C12orf60: variants seen among roughly 807,000 people sequenced by gnomAD.
C12orf60 encodes the protein chromosome 12 open reading frame 60.
For missense variants in C12orf60, 284 were observed against 283.2 expected, an observed-to-expected ratio of 1.00 and a Z score of -0.02; for synonymous variants, 102 against 94.6, an observed-to-expected ratio of 1.08 and a Z score of -0.45.
At chr12:14,818,750 G>A (rs148909527) in intron 1 of C12orf60, among the ~76,000 whole-genome samples, 33 of 152,190 alleles carry the variant, frequency 2.2e-4, no homozygotes, top group African/African-American at 6.7e-4. Context: ...GTCACTGCAC[G>A]CCAGCCTGGT....
intron 1 of C12orf60, among the ~76,000 whole-genome samples, chr12:14,811,199 A>G (rs1950130565): frequency 6.6e-6 from 1 of 152,180 alleles, no homozygotes; most frequent in Non-Finnish European, 1.5e-5. Flanking sequence ...ACTTTTGTAC[A>G]GAGTTTGTGC....
intron 1 of C12orf60, among the ~76,000 whole-genome samples, chr12:14,811,296 G>A (rs1347655587): frequency 1.3e-5 from 2 of 152,176 alleles, no homozygotes; most frequent in African/African-American, 4.8e-5. Context: ...TAGACAGCAG[G>A]TGGAGCTCTT....
intron 1 of C12orf60, chr12:14,805,702 C>A: frequency 7.1e-6 from 2 of 279,920 alleles, no homozygotes; most frequent in Admixed American, 4.8e-5. Flanking sequence ...GAAAAGTAAC[C>A]CCTATACTTG....
At position 14,812,466 on chromosome 12, in the gene C12orf60, G is replaced by A. The variant is rs187209782; in HGVS notation, c.-25+8715G>A. On this transcript the variant is annotated intron_variant, in intron 1 of 1. Transcript: ENST00000330828. Reference sequence around the variant, plus strand: ...CTCAAAAAAAAAAAAAATTTTATTGGTTACGTATACTATTCCCTGTCTTTA... The same window carrying A: ...CTCAAAAAAAAAAAAAATTTTATTGATTACGTATACTATTCCCTGTCTTTA... Among the ~76,000 whole-genome samples the A allele has an allele frequency of 5.7e-3, 860 of 152,056 alleles. 9 individuals are homozygous for A. Among genetic ancestry groups the A allele is most frequent in the African/African-American group, 0.02 (843 of 41,526 alleles).
chr12:14,805,543 C>T (rs115421638), intron 1 of C12orf60: 2,483 of 154,148 alleles, frequency 0.016, 67 homozygotes, highest in African/African-American at 0.056. Context: ...GGTAGTATTT[C>T]TGTCTCATTC....
intron 1 of C12orf60, among the ~76,000 whole-genome samples, chr12:14,807,671 C>T (rs1485887424): frequency 1.3e-5 from 2 of 152,110 alleles, no homozygotes; most frequent in African/African-American, 4.8e-5. Flanking sequence ...ATATTCAAGA[C>T]TCTTTGGATT....
intron 1 of C12orf60, among the ~76,000 whole-genome samples, chr12:14,817,487 C>G (rs147900473): frequency 6.6e-6 from 1 of 152,300 alleles, no homozygotes; most frequent in Non-Finnish European, 1.5e-5. Flanking sequence ...CCTCGCCCCC[C>G]ACTCCTCAAC....
chr12:14,804,209 A>G (rs948962855), intron 1 of C12orf60, among the ~76,000 whole-genome samples: 1 of 152,204 alleles, frequency 6.6e-6, no homozygotes, highest in Non-Finnish European at 1.5e-5. Flanking sequence ...ACCAGCCAAA[A>G]GTCCTCTATG....
chr12:14,804,376 T>A (rs1455912688), intron 1 of C12orf60, among the ~76,000 whole-genome samples: 1 of 152,222 alleles, frequency 6.6e-6, no homozygotes, highest in Non-Finnish European at 1.5e-5. Context: ...TGGTTATTTC[T>A]AATCTTAACC....
At chr12:14,806,168 G>A (rs1490165913) in intron 1 of C12orf60, 1 of 1,614,012 alleles carries the variant, frequency 6.2e-7, no homozygotes, top group East Asian at 2.2e-5. Context: ...TCATATCTAT[G>A]CCAAGGCCAA....
intron 1 of C12orf60, among the ~76,000 whole-genome samples, chr12:14,817,106 T>G (rs1025988397): frequency 2.6e-5 from 4 of 152,176 alleles, no homozygotes; most frequent in African/African-American, 7.2e-5. Context: ...ATGGATATGC[T>G]TTTGGTGTCA....
In C12orf60 at chr12:14,823,080, G is replaced by T. The variant is rs1284612873; in HGVS notation, c.145G>T (p.Ala49Ser). Reference protein sequence around the residue: ...RSMNTQILLMAVKNNSYIKDF... With the variant: ...RSMNTQILLMSVKNNSYIKDF... ...TATGAATACTCAAATCCTTTTGATG[G>T]CTGTGAAAAACAATAGTTACATTAA... Residue 49 changes from alanine (A) to serine (S), a missense_variant, in exon 2 of 2, where the codon GCT (alanine) becomes TCT (serine). Ala to Ser is a moderately conservative substitution (Grantham distance 99, BLOSUM62 1). Transcript: ENST00000330828. 9.3e-6 allele frequency: 15 copies of T among 1,613,998 alleles called. No individual in the cohort carries two copies. Among genetic ancestry groups the T allele is most frequent in the Non-Finnish European group, 1.3e-5 (15 of 1,180,010 alleles).
chr12:14,806,733 T>TA (rs1950058408), intron 1 of C12orf60: 1 of 1,518,278 alleles, frequency 6.6e-7, no homozygotes, highest in African/African-American at 1.4e-5. Flanking sequence ...CTGAAAGTCT[T>TA]AAAAAATGTC....
At chr12:14,808,331 A>G (rs1052192535) in intron 1 of C12orf60, among the ~76,000 whole-genome samples, 1 of 151,968 alleles carries the variant, frequency 6.6e-6, no homozygotes, top group East Asian at 1.9e-4. Flanking sequence ...ATGCTACTCA[A>G]TATGCATACT....
At chr12:14,806,533 T>C (rs754454798) in intron 1 of C12orf60, 1 of 1,614,186 alleles carries the variant, frequency 6.2e-7, no homozygotes, top group Non-Finnish European at 8.5e-7. Context: ...GAGGCCAGCC[T>C]GCACCCCAAG....
rs1592234930 is a variant in C12orf60 at position 14,812,245 on chromosome 12, C to T, written c.-25+8494C>T. On this transcript the variant is annotated intron_variant, in intron 1 of 1. Transcript: ENST00000330828. ...GGATCACGAGGTCAGGAGATCGAAA[C>T]CATCCTGGCTAACACGGTGAAACCC... Among the ~76,000 whole-genome samples, 4 of 152,020 alleles carry T rather than the reference C, an allele frequency of 2.6e-5. No individual in the cohort carries two copies. The South Asian group carries it at 8.3e-4, about 32-fold the overall frequency.
At chr12:14,803,911 A>G (rs1327361659) in intron 1 of C12orf60, among the ~76,000 whole-genome samples, 160 bp downstream of exon 1, 1 of 152,200 alleles carries the variant, frequency 6.6e-6, no homozygotes, top group Non-Finnish European at 1.5e-5. Flanking sequence ...GAATACCCAG[A>G]TAACATTTGC....
At chr12:14,812,781 G>T (rs1467070656) in intron 1 of C12orf60, among the ~76,000 whole-genome samples, 1 of 151,862 alleles carries the variant, frequency 6.6e-6, no homozygotes, top group Non-Finnish European at 1.5e-5. Flanking sequence ...TTAGATTCAG[G>T]AGGTACATAC....
intron 1 of C12orf60, chr12:14,805,703 C>A: frequency 3.5e-6 from 1 of 282,644 alleles, no homozygotes; most frequent in East Asian, 6.8e-5. Context: ...AAAAGTAACC[C>A]CTATACTTGC....
Sources: gnomAD v4.1 joint callset for allele counts (sites outside exome capture counted in the v4.1 genomes callset) on GRCh38, gnomAD v4.1.1 for gene constraint, MANE v1.5 for transcripts, NCBI Gene and HGNC (gene_info 2026-07-23, HGNC 2026-07-21) for gene names.